Variants in RNF14 observed in about 807,000 individuals in gnomAD.
The protein encoded by RNF14 is ring finger protein 14, also known as E3 ubiquitin-protein ligase RNF14.
A neutral mutation model predicts 52.6 loss-of-function variants in RNF14; 26 were observed. The observed-to-expected ratio is 0.49, with a 90% CI of 0.36 to 0.69. The LOEUF is 0.69. Ranked by LOEUF, RNF14 falls within the 30% of genes least tolerant of loss-of-function variation. RNF14 has a pLI of 0.00. For synonymous variants in RNF14, 194 were observed against 202.0 expected, an observed-to-expected ratio of 0.96 and a Z score of 0.34; for missense variants, 404 against 560.4, an observed-to-expected ratio of 0.72 and a Z score of 2.82.
chr5:141,986,559 C>T (rs966438804), intron 8 of RNF14, among the ~76,000 whole-genome samples: 3 of 152,158 alleles, frequency 2.0e-5, no homozygotes, highest in Admixed American at 1.3e-4. Flanking sequence ...TTTGTGATAC[C>T]TATCCCTCAT....
chr5:141,958,829 G>T (rs1753228177), intron 1 of RNF14: 2 of 152,346 alleles, frequency 1.3e-5, no homozygotes, highest in Admixed American at 6.5e-5. Flanking sequence ...TAAACGAAAT[G>T]ATGTAGGAAG....
At chr5:141,956,221 A>T (rs757056894), upstream of RNF14, 30 of 1,614,068 alleles carry the variant, frequency 1.9e-5, no homozygotes, top group Non-Finnish European at 2.3e-5. Context: ...GGATGCAAGC[A>T]TGGGTTGCCC....
chr5:141,955,933 C>A (rs164515), upstream of RNF14: 2 of 1,614,014 alleles, frequency 1.2e-6, no homozygotes, highest in African/African-American at 1.3e-5. This position sits in a 1 kb window ranked among gnomAD's most constrained non-coding sequence, Gnocchi z 5.5. Flanking sequence ...TTCATTTCCA[C>A]TGCGGATGCT....
chr5:141,983,300 G>C (rs1220135045), intron 6 of RNF14, 80 bp from the exon 7 acceptor site: 1 of 1,129,812 alleles, frequency 8.9e-7, no homozygotes, highest in African/African-American at 1.6e-5. Context: ...TTGAATAGTC[G>C]AAGATTATAG....
chr5:141,957,153 G>A (rs1378138682), upstream of RNF14: 30 of 1,614,048 alleles, frequency 1.9e-5, no homozygotes, highest in South Asian at 8.8e-5. This position sits in a 1 kb window ranked among gnomAD's most constrained non-coding sequence, Gnocchi z 4.3. Flanking sequence ...AGTCCAAGAC[G>A]TTGACCTTGA....
intron 4 of RNF14, among the ~76,000 whole-genome samples, chr5:141,976,178 A>T (rs573995904): frequency 1.3e-5 from 2 of 152,376 alleles, no homozygotes; most frequent in Non-Finnish European, 2.9e-5. Flanking sequence ...CAACAGATGC[A>T]AGACAGTTGA....
chr5:141,965,978 TAA>T (rs545449787), upstream of RNF14, among the ~76,000 whole-genome samples: 44 of 126,882 alleles, frequency 3.5e-4, no homozygotes, highest in African/African-American at 4.4e-4. Flanking sequence ...ACTTAAAAGT[TAA>T]AAAAAAAAAA....
chr5:141,972,647 A>G (rs969565376), intron 2 of RNF14, among the ~76,000 whole-genome samples: 4 of 151,582 alleles, frequency 2.6e-5, no homozygotes, highest in East Asian at 1.9e-4. Flanking sequence ...CTGGAGTGCA[A>G]TGGTGCAATC....
chr5:141,957,693 C>G (rs372623269), upstream of RNF14: 1 of 1,614,190 alleles, frequency 6.2e-7, no homozygotes, highest in Admixed American at 1.7e-5. This position sits in a 1 kb window ranked among gnomAD's most constrained non-coding sequence, Gnocchi z 4.3. Flanking sequence ...CCTCCCGGCC[C>G]AGTTCCTGGG....
intron 6 of RNF14, among the ~76,000 whole-genome samples, chr5:141,981,295 T>G (rs1198517867): frequency 6.6e-6 from 1 of 152,210 alleles, no homozygotes; most frequent in Admixed American, 6.5e-5. Flanking sequence ...TAATAAAAAT[T>G]TAGACTTTTT....
chr5:141,989,413 G>C lies in RNF14; in HGVS notation c.*1623G>C, dbSNP rs901485898. Reference sequence around the variant, plus strand: ...TTTGTGTAAAAATTGAGGTTAATTTGCTGGGCACAGTGGCTCACGCCTGTA... The same window carrying C: ...TTTGTGTAAAAATTGAGGTTAATTTCCTGGGCACAGTGGCTCACGCCTGTA... On this transcript the variant is annotated 3_prime_UTR_variant, in exon 9 of 9. Coordinates refer to ENST00000394520, the MANE Select transcript of RNF14 (RefSeq NM_004290.5). 12 of 152,204 alleles carry C rather than the reference G, an allele frequency of 7.9e-5. No individual in the cohort carries two copies. Among genetic ancestry groups the C allele is most frequent in the Non-Finnish European group, 1.6e-4 (11 of 68,062 alleles). 9.4% of individuals were successfully genotyped at this position (152,204 alleles called of 1,614,324 possible). A position where few individuals can be genotyped will look rare whatever the true frequency, so the allele number is the denominator to read the frequency against.
At chr5:141,973,241 C>CTT (rs11385874) in intron 2 of RNF14, among the ~76,000 whole-genome samples, 4,758 of 141,030 alleles carry the variant, frequency 0.034, 180 homozygotes, top group African/African-American at 0.089. Flanking sequence ...ATTTTCTTTT[C>CTT]TTTTTTTTTT....
At chr5:141,951,711 T>G in the RNF14 span, 1 of 760,780 alleles carries the variant, frequency 1.3e-6, no homozygotes, top group Non-Finnish European at 2.3e-6. Context: ...TTCAGATGTT[T>G]GTGTGATCAG....
chr5:141,973,317 C>G (rs1753960733), intron 2 of RNF14, among the ~76,000 whole-genome samples: 2 of 149,254 alleles, frequency 1.3e-5, no homozygotes, highest in Admixed American at 6.7e-5. Flanking sequence ...TGGCTCACTG[C>G]AGTCTCCACC....
Position 141,977,764 on chromosome 5 carries a change from A to C in RNF14, c.307-539A>C, listed in dbSNP as rs530066807. 5.2e-4 allele frequency among the ~76,000 whole-genome samples: 79 copies of C among 152,356 alleles called. 1 individual carries two copies. In the South Asian group the frequency reaches 0.015, roughly 30 times the overall value. ...ATCTGAACAAGGACTCTGAGGTTGA[A>C]TTCTGTTAGTGATTGTTTCAGATGA... is the stretch of plus-strand genomic sequence containing the variant. On this transcript the variant is annotated intron_variant, in intron 4 of 8. Transcript: ENST00000394520.
chr5:141,981,245 G>T (rs936948150), intron 6 of RNF14, among the ~76,000 whole-genome samples: 1 of 152,202 alleles, frequency 6.6e-6, no homozygotes. Context: ...GAGAGGGTTA[G>T]AAACTTTTAT....
At chr5:141,981,516 T>C (rs189968426) in intron 6 of RNF14, 1 of 152,014 alleles carries the variant, frequency 6.6e-6, no homozygotes, top group East Asian at 1.9e-4. Flanking sequence ...AGAGAAAAAA[T>C]AAACTGGGCC....
the RNF14 span, chr5:141,952,458 G>A: frequency 6.6e-6 from 1 of 152,308 alleles, no homozygotes; most frequent in African/African-American, 2.4e-5. Flanking sequence ...GAAAGAGAAT[G>A]AAGGTCTGGG....
chr5:141,964,690 C>T (rs1193737893), upstream of RNF14, among the ~76,000 whole-genome samples: 2 of 152,006 alleles, frequency 1.3e-5, no homozygotes, highest in Non-Finnish European at 2.9e-5. Context: ...CTGGGCTCAC[C>T]GCAACCTCTG....
Sources: gnomAD v4.1 joint callset for allele counts (sites outside exome capture counted in the v4.1 genomes callset) on GRCh38, gnomAD v4.1.1 for gene constraint, Gnocchi (gnomAD v3.1) non-coding constraint, MANE v1.5 for transcripts, NCBI Gene and HGNC (gene_info 2026-07-23, HGNC 2026-07-21) for gene names.